The following MAP7D1 variants were observed in gnomAD, a reference collection of about 807,000 sequenced individuals.
MAP7D1 encodes MAP7 domain containing 1, also known as MAP7 domain-containing protein 1.
A neutral mutation model predicts 97.5 loss-of-function variants in MAP7D1; 30 were observed. The observed-to-expected ratio is 0.31, with a 90% CI of 0.23 to 0.42. MAP7D1 has a LOEUF of 0.42. Ranked by LOEUF, MAP7D1 falls within the 10% of genes least tolerant of loss-of-function variation. The pLI, the probability that MAP7D1 is intolerant of heterozygous loss-of-function variation, is 1.00. For missense variants in MAP7D1, 1,184 were observed against 1,179.5 expected, an observed-to-expected ratio of 1.00 and a Z score of -0.06; for synonymous variants, 536 against 477.1, an observed-to-expected ratio of 1.12 and a Z score of -1.61.
chr1:36,168,434 G>C (rs1237871374), intron 1 of MAP7D1, among the ~76,000 whole-genome samples: 1 of 152,202 alleles, frequency 6.6e-6, no homozygotes, highest in East Asian at 1.9e-4. Flanking sequence ...CGAGGACACA[G>C]GGTGCACCAC....
chr1:36,176,668 C>T lies in MAP7D1; in HGVS notation c.1234-29C>T, dbSNP rs369875370. ...TACGCGGGCGCTGCTGACCTCTACT[C>T]TCCTCTTCCGTTCCTCCTTCCCTGC... is the stretch of plus-strand genomic sequence containing the variant. On this transcript the variant is annotated intron_variant, in intron 7 of 16. Coordinates refer to ENST00000474796, the MANE Select transcript of MAP7D1 (RefSeq NM_001388490.1). This position sits in a 1 kb window ranked among gnomAD's most constrained non-coding sequence, Gnocchi z 6.1. 4.0e-5 allele frequency: 65 copies of T among 1,606,230 alleles called. No individual in the cohort carries two copies. In the African/African-American group the frequency reaches 8.0e-4, roughly 20 times the overall value.
At chr1:36,166,477 C>T (rs1438748589) in intron 1 of MAP7D1, among the ~76,000 whole-genome samples, 2 of 151,558 alleles carry the variant, frequency 1.3e-5, no homozygotes, top group Non-Finnish European at 1.5e-5. Context: ...GCAAGCTCCA[C>T]CTCCCTGGTT....
intron 1 of MAP7D1, among the ~76,000 whole-genome samples, chr1:36,165,997 TGG>T: frequency 6.6e-6 from 1 of 152,292 alleles, no homozygotes; most frequent in Admixed American, 6.5e-5. Flanking sequence ...CCCAAGGTGC[TGG>T]GATTACAGGC....
At position 36,179,346 on chromosome 1, in the gene MAP7D1, C is replaced by CGT. The variant is rs757243995; in HGVS notation, c.2184+33_2184+34dup. ...AATTCCCCCGAAGGGCAGTGCTGGG[C>CGT]GTGGGGGGCAGGGTGTGAAAAGGAG... On this transcript the variant is annotated intron_variant, in intron 13 of 16. Coordinates refer to ENST00000474796, the MANE Select transcript of MAP7D1 (RefSeq NM_001388490.1). 27 of 1,612,526 alleles carry CGT rather than the reference C, an allele frequency of 1.7e-5. 1 individual carries two copies. The Admixed American group carries it at 4.5e-4, about 27-fold the overall frequency.
Position 36,176,761 on chromosome 1 carries a change from G to C in MAP7D1, c.1298G>C (p.Arg433Pro), listed in dbSNP as rs372899934. The C allele has an allele frequency of 1.2e-6, 2 of 1,603,570 alleles. No individual in the cohort carries two copies. Among genetic ancestry groups the C allele is most frequent in the South Asian group, 2.2e-5 (2 of 89,200 alleles). ...GAGAAGGAGAAGAGTGCCCTAGCCC[G>C]GGAGCGCAGCCTCAAGAAGCGCCAG... ...ENEKEKSALA[R>P]ERSLKKRQSL... The change falls in exon 8 of 17, where the codon CGG (arginine) becomes CCG (proline). Residue 433 changes from arginine to proline, a missense_variant. Coordinates refer to ENST00000474796, the MANE Select transcript of MAP7D1 (RefSeq NM_001388490.1). This position sits in a 1 kb window ranked among gnomAD's most constrained non-coding sequence, Gnocchi z 6.1.
In MAP7D1 at chr1:36,179,940, G is replaced by T. The variant is rs145010064; in HGVS notation, c.2385G>T (p.Glu795Asp). The change falls in exon 16 of 17, where the codon GAG (glutamate) becomes GAT (aspartate). Residue 795 changes from glutamate (E) to aspartate (D), a missense_variant. Physicochemically the swap from Glu to Asp is conservative, Grantham distance 45. Coordinates refer to ENST00000474796, the MANE Select transcript of MAP7D1 (RefSeq NM_001388490.1). ...TGCAGCCTCTCCCAGCACACCAGGAGAATGGCTTCTCCACCAACGGACCCT... is the reference window on the plus strand; with the variant it reads ...TGCAGCCTCTCCCAGCACACCAGGATAATGGCTTCTCCACCAACGGACCCT... ...NGLQPLPAHQ[E>D]NGFSTNGPSG... The T allele has an allele frequency of 6.2e-7, 1 of 1,614,198 alleles. No homozygotes were observed. Among genetic ancestry groups the T allele is most frequent in the African/African-American group, 1.3e-5 (1 of 75,068 alleles).
chr1:36,180,652 C>T lies in MAP7D1; in HGVS notation c.*394C>T, dbSNP rs75530406. 2 of 260,856 alleles carry T rather than the reference C, an allele frequency of 7.7e-6. No homozygotes were observed. The highest frequency in any genetic ancestry group is 1.9e-4 in the East Asian group (2 of 10,288). The allele number at this position is 260,856 out of a possible 1,614,324, so 16.2% of individuals were successfully genotyped here. On this transcript the variant is annotated 3_prime_UTR_variant, in exon 17 of 17. Coordinates refer to ENST00000474796, the MANE Select transcript of MAP7D1 (RefSeq NM_001388490.1). ...AGGGTGGGTGCAGGAGGCAGACCCT[C>T]CCCCCAAAGCCCCCTGGGGAGATCT...
At chr1:36,179,222 G>T in intron 12 of MAP7D1, 40 bp from the exon 13 acceptor site, 2 of 1,609,166 alleles carry the variant, frequency 1.2e-6, no homozygotes, top group Non-Finnish European at 1.7e-6. Context: ...TAGGATTAGG[G>T]GCGGGGCTCG....
At chr1:36,178,350 C>G in intron 9 of MAP7D1, 69 bp from the exon 10 acceptor site, 1 of 1,526,560 alleles carries the variant, frequency 6.6e-7, no homozygotes, top group Non-Finnish European at 8.8e-7. Flanking sequence ...GCCCAGAACA[C>G]AGGCCGCTGG....
Position 36,176,343 on chromosome 1 carries a change from G to A in MAP7D1, c.995G>A (p.Arg332Lys). ...CAGGGTAGGGGCTGCGACCCTGGGAGAGGCCCCACGTGGGGCCGGGCAGGG... is the reference window on the plus strand; with the variant it reads ...CAGGGTAGGGGCTGCGACCCTGGGAAAGGCCCCACGTGGGGCCGGGCAGGG... ...RDQGRGCDPG[R>K]GPTWGRAGAS... The change falls in exon 7 of 17, where the codon AGA becomes AAA. Residue 332 changes from arginine (R) to lysine (K), a missense_variant. By Grantham distance (26) the Arg-to-Lys change is conservative. Transcript: ENST00000474796. The surrounding 1 kb of genome is among the most constrained non-coding windows in gnomAD (Gnocchi z 6.1). 1 of 1,529,498 alleles carries A rather than the reference G, an allele frequency of 6.5e-7. No individual in the cohort carries two copies. Among genetic ancestry groups the A allele is most frequent in the Non-Finnish European group, 8.8e-7 (1 of 1,140,872 alleles). 94.7% of individuals were successfully genotyped at this position (1,529,498 alleles called of 1,614,324 possible). A position where few individuals can be genotyped will look rare whatever the true frequency, so the allele number is the denominator to read the frequency against.
chr1:36,160,898 A>G (rs929340758), intron 1 of MAP7D1, among the ~76,000 whole-genome samples: 13 of 152,230 alleles, frequency 8.5e-5, no homozygotes, highest in African/African-American at 3.1e-4. Flanking sequence ...GGTGGTGGTA[A>G]TAGTCCAGCT....
At position 36,171,355 on chromosome 1, in the gene MAP7D1, C is replaced by T. The variant is rs182237072; in HGVS notation, c.391+40C>T. ...CCCGGCCTGGGCCTAAACCTCTTGG[C>T]TCAGGGTCCTGGCCCTGGATCATGC... On this transcript the variant is annotated intron_variant, in intron 2 of 16. Transcript: ENST00000474796. 1.7e-5 allele frequency: 27 copies of T among 1,543,512 alleles called. No homozygotes were observed. In the African/African-American group the frequency reaches 3.7e-4, roughly 21 times the overall value.
At chr1:36,171,409 G>A (rs1178010968) in intron 2 of MAP7D1, 94 bp downstream of exon 2, 41 of 1,553,970 alleles carry the variant, frequency 2.6e-5, no homozygotes, top group Admixed American at 3.7e-5. Context: ...TTGCCCTAGA[G>A]GAGATAAAGA....
rs985733409 is a variant in MAP7D1, at chr1:36,159,675, T to C, written c.46+3212T>C. ...CGGAGTTTTGACTCTTGGGGAGCTC[T>C]TAACGCGGCGAGGAAGGCAGATGTG... On this transcript the variant is annotated intron_variant, in intron 1 of 16. Coordinates refer to ENST00000474796, the MANE Select transcript of MAP7D1 (RefSeq NM_001388490.1). This position sits in a 1 kb window ranked among gnomAD's most constrained non-coding sequence, Gnocchi z 5.4. Among the ~76,000 whole-genome samples the C allele has an allele frequency of 5.9e-5, 9 of 152,212 alleles. No individual in the cohort carries two copies. Among genetic ancestry groups the C allele is most frequent in the African/African-American group, 2.2e-4 (9 of 41,462 alleles).
At chr1:36,179,196 T>TGGCTGGTGGGAGGTTTA (rs1644679716) in intron 12 of MAP7D1, 66 bp from the exon 13 acceptor site, 1 of 1,583,230 alleles carries the variant, frequency 6.3e-7, no homozygotes, top group Non-Finnish European at 8.7e-7. Flanking sequence ...AGGCCGGGTC[T>TGGCTGGTGGGAGGTTTA]GGCTGGTGGG....
intron 1 of MAP7D1, among the ~76,000 whole-genome samples, chr1:36,165,568 A>G (rs1469579767): frequency 6.8e-6 from 1 of 147,704 alleles, no homozygotes; most frequent in African/African-American, 2.5e-5. Flanking sequence ...TCAGCATGTC[A>G]TGATGCCTGG....
At chr1:36,163,817 CTTTTTTTTTTTTTTTT>C (rs869169250) in intron 1 of MAP7D1, among the ~76,000 whole-genome samples, 11 of 86,832 alleles carry the variant, frequency 1.3e-4, no homozygotes, top group African/African-American at 4.7e-4. Flanking sequence ...TACTTTTTTT[CTTTTTTTTTTTTTTTT>C]TTTTTTTTTT....
In MAP7D1 at chr1:36,161,910, T is replaced by TGA. The variant is rs1553183493; in HGVS notation, c.46+5457_46+5458dup. On this transcript the variant is annotated intron_variant, in intron 1 of 16. Coordinates refer to ENST00000474796, the MANE Select transcript of MAP7D1 (RefSeq NM_001388490.1). ...GTGTGTGTGTGTGTGTGTGTGTGTG[T>TGA]GAGAGAGAGAGGAGAATATGTCTTG... 9.1e-3 allele frequency among the ~76,000 whole-genome samples: 966 copies of TGA among 105,606 alleles called. 10 individuals are homozygous for TGA. Among genetic ancestry groups the TGA allele is most frequent in the African/African-American group, 0.025 (843 of 33,334 alleles). 69.3% of individuals were successfully genotyped at this position (105,606 alleles called of 152,430 possible). A position where few individuals can be genotyped will look rare whatever the true frequency, so the allele number is the denominator to read the frequency against.
chr1:36,158,404 G>A (rs918872051), intron 1 of MAP7D1, among the ~76,000 whole-genome samples: 1 of 152,196 alleles, frequency 6.6e-6, no homozygotes, highest in African/African-American at 2.4e-5. Context: ...CCGAGAGCAT[G>A]TGACACGAAC....
Sources: gnomAD v4.1 joint callset for allele counts (sites outside exome capture counted in the v4.1 genomes callset) on GRCh38, gnomAD v4.1.1 for gene constraint, Gnocchi (gnomAD v3.1) non-coding constraint, MANE v1.5 for transcripts, NCBI Gene and HGNC (gene_info 2026-07-23, HGNC 2026-07-21) for gene names.